RGS11: variants seen among roughly 807,000 people sequenced by gnomAD.
RGS11 encodes the protein regulator of G-protein signaling 11.
A neutral mutation model predicts 71.1 loss-of-function variants in RGS11; 86 were observed. The observed-to-expected ratio is 1.21, with a 90% CI of 1.02 to 1.45. RGS11 has a LOEUF of 1.45. Among genes scored for constraint, RGS11 ranks in the 40% most tolerant of loss-of-function variants. The pLI is 0.00. For missense variants in RGS11, 734 were observed against 635.1 expected, an observed-to-expected ratio of 1.16 and a Z score of -1.67; for synonymous variants, 298 against 254.2, an observed-to-expected ratio of 1.17 and a Z score of -1.64.
In RGS11 at chr16:275,857, G is replaced by T; in HGVS notation, c.55C>A (p.Leu19Met). The change falls in exon 1 of 17, where the codon CTG becomes ATG. Residue 19 changes from leucine to methionine, a missense_variant. Physicochemically the swap from Leu to Met is conservative, Grantham distance 15. Coordinates refer to ENST00000397770, the MANE Select transcript of RGS11 (RefSeq NM_183337.3). ...PGRPRAQMPH[L>M]RKMERVVVSM... ...ACCCACCCGCCTCGCACCTTCCTCAGATGCGGCATCTGCGCCCGGGGGCGG... is the reference window on the plus strand; with the variant it reads ...ACCCACCCGCCTCGCACCTTCCTCATATGCGGCATCTGCGCCCGGGGGCGG... The T allele has an allele frequency of 1.9e-6, 2 of 1,057,692 alleles. No individual in the cohort carries two copies. The highest frequency in any genetic ancestry group is 2.3e-6 in the Non-Finnish European group (2 of 864,578). The allele number at this position is 1,057,692 out of a possible 1,614,324, so 65.5% of individuals were successfully genotyped here.
Position 272,929 on chromosome 16 carries a change from G to C in RGS11, c.591C>G (p.Pro197=). The C allele has an allele frequency of 1.3e-6, 2 of 1,506,938 alleles. No individual in the cohort carries two copies. The highest frequency in any genetic ancestry group is 2.5e-5 in the East Asian group (1 of 40,182). 93.3% of individuals were successfully genotyped at this position (1,506,938 alleles called of 1,614,324 possible). ...QTYWLVNRPP[P]GAPDVLEQGP... is the part of the protein sequence containing the mutation. ...CCTGCTCCAGCACATCGGGGGCCCCGGGCTGCGGAGGGGAGACGAGATGAG... is the reference window on the plus strand; with the variant it reads ...CCTGCTCCAGCACATCGGGGGCCCCCGGCTGCGGAGGGGAGACGAGATGAG... The change falls in exon 9 of 17, where the codon CCC becomes CCG. Residue 197 remains proline, a splice_region_variant and synonymous_variant. Transcript: ENST00000397770.
intron 15 of RGS11, 139 bp downstream of exon 15, chr16:270,384 C>G: frequency 9.3e-7 from 1 of 1,076,394 alleles, no homozygotes; most frequent in Non-Finnish European, 1.3e-6. Context: ...CAGGGCGGCC[C>G]CAACCAGGTG....
At chr16:275,761 G>T in intron 1 of RGS11, 88 bp downstream of exon 1, 2 of 240,192 alleles carry the variant, frequency 8.3e-6, no homozygotes, top group South Asian at 2.4e-4. Flanking sequence ...CCCGCCCCGC[G>T]CGCCCCCGTG....
At position 275,348 on chromosome 16, in the gene RGS11, CAG is replaced by C. The variant is rs761913177; in HGVS notation, c.161-17_161-16del. ...GACGTCGCTGCCTGCACGGGAGAGA[CAG>C]AGGTGGAGGGAGGCCGAGGCGCGCA... On this transcript the variant is annotated splice_polypyrimidine_tract_variant and intron_variant, in intron 2 of 16. Coordinates refer to ENST00000397770, the MANE Select transcript of RGS11 (RefSeq NM_183337.3). The C allele has an allele frequency of 2.5e-6, 4 of 1,612,096 alleles. No individual in the cohort carries two copies. The African/African-American group carries it at 4.0e-5, about 16-fold the overall frequency.
chr16:272,004 T>C (rs993122687), intron 9 of RGS11: 2 of 317,844 alleles, frequency 6.3e-6, no homozygotes, highest in Non-Finnish European at 1.1e-5. Context: ...GCCCAGCTAA[T>C]TTTGTATTTT....
chr16:275,076 A>G lies in RGS11; in HGVS notation c.218T>C (p.Leu73Pro). The change falls in exon 4 of 17, where the codon CTG becomes CCG. Residue 73 changes from leucine (L) to proline (P), a missense_variant. Physicochemically the swap from Leu to Pro is moderately conservative, Grantham distance 98. Coordinates refer to ENST00000397770, the MANE Select transcript of RGS11 (RefSeq NM_183337.3). ...CTGCACCAGGACGGCGCCCAGGTGC[A>G]GGGCCTCTGGGGAGGGGTGGGACGG... Reference protein sequence around the residue: ...QKFCVSEEEALHLGAVLVQHG... With the variant: ...QKFCVSEEEAPHLGAVLVQHG... The G allele has an allele frequency of 6.8e-7, 1 of 1,479,280 alleles. No individual in the cohort carries two copies. Among genetic ancestry groups the G allele is most frequent in the South Asian group, 1.4e-5 (1 of 72,276 alleles). The allele number at this position is 1,479,280 out of a possible 1,614,324, so 91.6% of individuals were successfully genotyped here.
chr16:273,478 G>A lies in RGS11; in HGVS notation c.585C>T (p.Pro195=), dbSNP rs139588867. The change falls in exon 8 of 17, where the codon CCC becomes CCT. Residue 195 remains proline (P), a synonymous_variant. Coordinates refer to ENST00000397770, the MANE Select transcript of RGS11 (RefSeq NM_183337.3). Reference sequence around the variant, plus strand: ...CCCTCACCGCAGGTGGGCTCACCGGGGGCCTGTTCACCAGCCAGTAGGTCT... The same window carrying A: ...CCCTCACCGCAGGTGGGCTCACCGGAGGCCTGTTCACCAGCCAGTAGGTCT... ...QEQTYWLVNR[P]PPGAPDVLEQ... is the part of the protein sequence containing the mutation. The A allele has an allele frequency of 2.6e-5, 41 of 1,550,244 alleles. No homozygotes were observed. In the African/African-American group the frequency reaches 4.8e-4, roughly 18 times the overall value.
rs1407196699 is a variant in RGS11 at position 275,275 on chromosome 16, G to A, written c.211+8C>T. 1.2e-6 allele frequency: 2 copies of A among 1,612,386 alleles called. No homozygotes were observed. Among genetic ancestry groups the A allele is most frequent in the Admixed American group, 3.3e-5 (2 of 60,002 alleles). On this transcript the variant is annotated splice_region_variant and intron_variant, in intron 3 of 16. Coordinates refer to ENST00000397770, the MANE Select transcript of RGS11 (RefSeq NM_183337.3). ...ACCCCAGGGCCCAGTGGGAGGCAGG[G>A]CGCTCACCCTCCTCCGAGACGCAGA... is the stretch of plus-strand genomic sequence containing the variant.
At chr16:271,846 T>C in intron 9 of RGS11, 1 of 532,316 alleles carries the variant, frequency 1.9e-6, no homozygotes, top group South Asian at 2.4e-5. Flanking sequence ...TTTTTCTTTA[T>C]TATTTTTTTG....
At chr16:275,229 G>T in intron 3 of RGS11, 54 bp downstream of exon 3, 1 of 1,609,674 alleles carries the variant, frequency 6.2e-7, no homozygotes, top group Non-Finnish European at 8.5e-7. Flanking sequence ...GAAAACCCAG[G>T]CCTAGGCCAC....
chr16:271,131 G>A, intron 12 of RGS11, 32 bp from the exon 13 acceptor site: 2 of 1,597,296 alleles, frequency 1.3e-6, no homozygotes, highest in African/African-American at 1.3e-5. Context: ...TGGGGAGGGT[G>A]GGGACTGACC....
Position 270,614 on chromosome 16 carries a change from C to T in RGS11, c.1115G>A (p.Arg372Gln), listed in dbSNP as rs371409840. The T allele has an allele frequency of 2.7e-5, 44 of 1,607,978 alleles. No individual in the cohort carries two copies. The highest frequency in any genetic ancestry group is 6.7e-5 in the Admixed American group (4 of 59,308). Reference sequence around the variant, plus strand: ...CCCCTCCAGGGTCTGCTCCATGGTCCGGCTGTCGATGTTGACCCAGTGGGC... The same window carrying T: ...CCCCTCCAGGGTCTGCTCCATGGTCTGGCTGTCGATGTTGACCCAGTGGGC... ...GAAHWVNIDS[R>Q]TMEQTLEGLR... Residue 372 changes from arginine (R) to glutamine (Q), a missense_variant, in exon 15 of 17, where the codon CGG becomes CAG. By Grantham distance (43) the Arg-to-Gln change is conservative (BLOSUM62 1). Coordinates refer to ENST00000397770, the MANE Select transcript of RGS11 (RefSeq NM_183337.3).
chr16:273,163 C>G (rs1427396684), intron 8 of RGS11, among the ~76,000 whole-genome samples: 1 of 152,196 alleles, frequency 6.6e-6, no homozygotes, highest in Non-Finnish European at 1.5e-5. Flanking sequence ...GGTCCCCCCA[C>G]TGCAGCCAAG....
At position 275,944 on chromosome 16, in the gene RGS11, C is replaced by A; in HGVS notation, c.-33G>T. 5.6e-6 allele frequency: 1 copy of A among 179,438 alleles called. No homozygotes were observed. Among genetic ancestry groups the A allele is most frequent in the Non-Finnish European group, 6.1e-6 (1 of 163,012 alleles). The allele number at this position is 179,438 out of a possible 1,614,324, so 11.1% of individuals were successfully genotyped here. A position where few individuals can be genotyped will look rare whatever the true frequency, so the allele number is the denominator to read the frequency against. On this transcript the variant is annotated 5_prime_UTR_variant, in exon 1 of 17. Transcript: ENST00000397770. ...GGGCGAGGCCGGCGGGGATGACCGA[C>A]GTCCCGCCCGGCCCCGCCCCGCGCC...
chr16:274,484 C>T (rs2052077296), intron 4 of RGS11: 5 of 608,030 alleles, frequency 8.2e-6, no homozygotes, highest in Non-Finnish European at 1.5e-5. Context: ...TCAGACACTG[C>T]CTCCCTCACT....
intron 9 of RGS11, chr16:272,118 G>A (rs1307842722): frequency 1.8e-6 from 2 of 1,127,708 alleles, no homozygotes; most frequent in South Asian, 4.0e-5. Context: ...TTAGAGACGT[G>A]AGCCACCGCG....
Position 269,339 on chromosome 16 carries a change from G to A in RGS11, c.1334C>T (p.Pro445Leu), listed in dbSNP as rs1304632737. ...CTCCACAGGGGTGGGAAGGAGTGCA[G>A]GGCTGGGGCTCGAGTGCCGTGGCCT... ...TWRPRHSSPS[P>L]ALLPTPVEPT... Residue 445 changes from proline (P) to leucine (L), a missense_variant, in exon 17 of 17, where the codon CCT becomes CTT. By Grantham distance (98) the Pro-to-Leu change is moderately conservative. Transcript: ENST00000397770. The A allele has an allele frequency of 1.2e-6, 2 of 1,603,408 alleles. No homozygotes were observed. Among genetic ancestry groups the A allele is most frequent in the Non-Finnish European group, 1.7e-6 (2 of 1,175,954 alleles).
At position 268,667 on chromosome 16, in the gene RGS11, C is replaced by A. The variant is rs2051780544; in HGVS notation, c.*602G>T. The A allele has an allele frequency of 3.3e-6, 4 of 1,198,746 alleles. No individual in the cohort carries two copies. Among genetic ancestry groups the A allele is most frequent in the Non-Finnish European group, 4.7e-6 (4 of 850,962 alleles). The allele number at this position is 1,198,746 out of a possible 1,614,324, so 74.3% of individuals were successfully genotyped here. On this transcript the variant is annotated 3_prime_UTR_variant, in exon 17 of 17. Coordinates refer to ENST00000397770, the MANE Select transcript of RGS11 (RefSeq NM_183337.3). ...GGTGGGAAAGCAGGTGCCGGCGCAC[C>A]TGTGGACAAATTCTGGAACGCGTTT...
rs1226835489 is a variant in RGS11 at position 272,892 on chromosome 16, C to A, written c.628G>T (p.Gly210Ter). ...PDVLEQGPGR[G>*]SCAASRVLMT... ...AGCACACGGCTGGCAGCGCAGGATC[C>A]CCGCCCTGGACCCTGCTCCAGCACA... Residue 210 changes from glycine (G) to a stop codon, truncating the protein, a stop_gained, in exon 9 of 17, where the codon GGA (glycine) becomes TGA (stop). Coordinates refer to ENST00000397770, the MANE Select transcript of RGS11 (RefSeq NM_183337.3). LOFTEE classifies it high-confidence loss of function. The A allele has an allele frequency of 6.5e-7, 1 of 1,536,606 alleles. No individual in the cohort carries two copies. Among genetic ancestry groups the A allele is most frequent in the Admixed American group, 2.0e-5 (1 of 50,114 alleles).
Sources: gnomAD v4.1 joint callset for allele counts (sites outside exome capture counted in the v4.1 genomes callset) on GRCh38, gnomAD v4.1.1 for gene constraint, MANE v1.5 for transcripts, NCBI Gene and HGNC (gene_info 2026-07-23, HGNC 2026-07-21) for gene names.